Variants in RBBP8NL observed in about 807,000 individuals in gnomAD.
RBBP8NL encodes the protein RBBP8 N-terminal like, also known as RBBP8 N-terminal-like protein.
Under a neutral mutation model 62.2 loss-of-function variants are expected in RBBP8NL, and 59 were observed. The observed-to-expected ratio is 0.95, with a 90% CI of 0.77 to 1.18. The LOEUF is 1.18. RBBP8NL is among the 50% of genes most tolerant of loss of function. The probability of loss-of-function intolerance (pLI) is 0.00; values close to 1 mark genes in which losing one functional copy is unlikely to be tolerated. For synonymous variants in RBBP8NL, 412 were observed against 394.1 expected (o/e 1.05, Z -0.54); for missense variants, 896 against 899.5 (o/e 1.00, Z 0.05).
At chr20:62,417,612 AC>A (rs1271414491) in intron 3 of RBBP8NL, among the ~76,000 whole-genome samples, 813 of 20,526 alleles carry the variant, frequency 0.04, 45 homozygotes, top group African/African-American at 0.15. Context: ...TCCACGCACC[AC>A]CCCCCCCAGT....
intron 1 of RBBP8NL, among the ~76,000 whole-genome samples, chr20:62,426,386 CT>C (rs1232758537): frequency 2.0e-5 from 3 of 152,262 alleles, no homozygotes; most frequent in Non-Finnish European, 4.4e-5. Context: ...TCCCCTGCCC[CT>C]GTCCACCTCC....
chr20:62,413,130 G>A (rs1345516735), intron 11 of RBBP8NL, among the ~76,000 whole-genome samples: 1 of 152,274 alleles, frequency 6.6e-6, no homozygotes, highest in Admixed American at 6.5e-5. Flanking sequence ...GCTGCATGAT[G>A]GGGCACTCAC....
At chr20:62,423,543 C>G (rs1431657007) in intron 1 of RBBP8NL, among the ~76,000 whole-genome samples, 2 of 152,148 alleles carry the variant, frequency 1.3e-5, no homozygotes, top group African/African-American at 4.8e-5. Context: ...TCCCTGGCCC[C>G]CAGCATCTGC....
rs766613428 is a variant in RBBP8NL, at chr20:62,417,989, CT to C, written c.104+433del. On this transcript the variant is annotated intron_variant, in intron 3 of 13. Coordinates refer to ENST00000252998, the MANE Select transcript of RBBP8NL (RefSeq NM_080833.3). ...CTGTCCTGTCCACACACCGCCCCCC[CT>C]GTCATCTGCACGCTCCTCTGTGACG... Among the ~76,000 whole-genome samples, 24 of 144,332 alleles carry C rather than the reference CT, an allele frequency of 1.7e-4. 2 individuals are homozygous for C. Among genetic ancestry groups the C allele is most frequent in the African/African-American group, 5.2e-4 (19 of 36,252 alleles). 94.7% of individuals were successfully genotyped at this position (144,332 alleles called of 152,430 possible).
rs139985669 is a variant in RBBP8NL at position 62,419,602 on chromosome 20, C to T, written c.46G>A (p.Glu16Lys). Residue 16 changes from glutamate to lysine, a missense_variant, in exon 2 of 14, where the codon GAG (glutamate) becomes AAG (lysine). Coordinates refer to ENST00000252998, the MANE Select transcript of RBBP8NL (RefSeq NM_080833.3). ...GGCCCCTCACCCAGGACTTCCTTCT[C>T]GTGGATCTCCTTCAGCCTGTTCAGC... ...ESLNRLKEIH[E>K]KEVLGLQNKL... 25 of 1,613,450 alleles carry T rather than the reference C, an allele frequency of 1.5e-5. No individual in the cohort carries two copies. The highest frequency in any genetic ancestry group is 2.2e-5 in the East Asian group (1 of 44,886).
chr20:62,412,356 C>A (rs965080873), intron 13 of RBBP8NL, among the ~76,000 whole-genome samples: 1 of 152,212 alleles, frequency 6.6e-6, no homozygotes, highest in African/African-American at 2.4e-5. Context: ...CTAATGTCAG[C>A]CCCCTTACAG....
chr20:62,417,736 C>T (rs1223210981), intron 3 of RBBP8NL, among the ~76,000 whole-genome samples: 1 of 102,978 alleles, frequency 9.7e-6, no homozygotes, highest in Non-Finnish European at 1.9e-5. Flanking sequence ...GTCATCTGCA[C>T]GCTCCTCTGT....
intron 4 of RBBP8NL, among the ~76,000 whole-genome samples, 172 bp from the exon 5 acceptor site, chr20:62,417,044 G>C (rs1015178563): frequency 1.4e-4 from 22 of 152,132 alleles, no homozygotes; most frequent in African/African-American, 4.8e-4. Context: ...CACTGAGTTT[G>C]GGGAGAAATC....
intron 5 of RBBP8NL, 89 bp downstream of exon 5, chr20:62,416,671 T>G (rs1988573829): frequency 2.3e-6 from 2 of 868,774 alleles, no homozygotes; most frequent in South Asian, 3.1e-5. Flanking sequence ...TCCTGCCTCC[T>G]TTCCCCATGC....
rs773098744 is a variant in RBBP8NL at position 62,415,622 on chromosome 20, T to C, written c.583A>G (p.Ile195Val). Reference sequence around the variant, plus strand: ...TCAGGCAGGGTGGCCCCTGGGGAGATTTTGGCCACTGGAGATGTCCTGTGC... The same window carrying C: ...TCAGGCAGGGTGGCCCCTGGGGAGACTTTGGCCACTGGAGATGTCCTGTGC... ...AGHRTSPVAK[I>V]SPGATLPESR... is the part of the protein sequence containing the mutation. Residue 195 changes from isoleucine to valine, a missense_variant, in exon 8 of 14, where the codon ATC becomes GTC. Transcript: ENST00000252998. 4.3e-6 allele frequency: 7 copies of C among 1,612,620 alleles called. No homozygotes were observed. In the South Asian group the frequency reaches 5.5e-5, roughly 13 times the overall value.
Position 62,412,977 on chromosome 20 carries a change from T to G in RBBP8NL, c.1676-77A>C, listed in dbSNP as rs1245698670. 3 of 1,507,990 alleles carry G rather than the reference T, an allele frequency of 2.0e-6. No homozygotes were observed. In the Admixed American group the frequency reaches 5.1e-5, roughly 26 times the overall value. 93.4% of individuals were successfully genotyped at this position (1,507,990 alleles called of 1,614,324 possible). On this transcript the variant is annotated intron_variant, in intron 11 of 13. Coordinates refer to ENST00000252998, the MANE Select transcript of RBBP8NL (RefSeq NM_080833.3). ...CCCGAGCCTGCCAGACTAGGATGGG[T>G]GGAGCCAACTCTGCAGATGGGGAAA... is the stretch of plus-strand genomic sequence containing the variant.
chr20:62,415,152 G>C lies in RBBP8NL; in HGVS notation c.763C>G (p.Pro255Ala), dbSNP rs1988532577. Reference sequence around the variant, plus strand: ...AGGGAGAGGCCACGCTCATACGCTGGGCTGGGTGGGCTGCTCCTGGCGGGC... The same window carrying C: ...AGGGAGAGGCCACGCTCATACGCTGCGCTGGGTGGGCTGCTCCTGGCGGGC... ...PLPARSSPPS[P>A]AYERGLSLDS... The change falls in exon 9 of 14, where the codon CCA becomes GCA. Residue 255 changes from proline (P) to alanine (A), a missense_variant. Pro to Ala is a conservative substitution (Grantham distance 27, BLOSUM62 -1). Transcript: ENST00000252998. 1 of 1,508,896 alleles carries C rather than the reference G, an allele frequency of 6.6e-7. No individual in the cohort carries two copies. The highest frequency in any genetic ancestry group is 2.1e-5 in the Admixed American group (1 of 46,960). 93.5% of individuals were successfully genotyped at this position (1,508,896 alleles called of 1,614,324 possible). A position where few individuals can be genotyped will look rare whatever the true frequency, so the allele number is the denominator to read the frequency against.
At position 62,410,647 on chromosome 20, in the gene RBBP8NL, G is replaced by A. The variant is rs1050135002; in HGVS notation, c.*231C>T. On this transcript the variant is annotated 3_prime_UTR_variant, in exon 14 of 14. Transcript: ENST00000252998. Reference sequence around the variant, plus strand: ...TCTTGAAGTGGGCCAGGATGTGCCCGTCACCGGCTCTTCGGGGTTGCCTGC... The same window carrying A: ...TCTTGAAGTGGGCCAGGATGTGCCCATCACCGGCTCTTCGGGGTTGCCTGC... 4.0e-5 allele frequency: 22 copies of A among 553,246 alleles called. No individual in the cohort carries two copies. Among genetic ancestry groups the A allele is most frequent in the African/African-American group, 7.6e-5 (4 of 52,590 alleles). 34.3% of individuals were successfully genotyped at this position (553,246 alleles called of 1,614,324 possible).
chr20:62,424,093 A>G (rs538509926), intron 1 of RBBP8NL, among the ~76,000 whole-genome samples: 10 of 150,696 alleles, frequency 6.6e-5, no homozygotes, highest in African/African-American at 2.5e-4. Flanking sequence ...GCTGAGGCTC[A>G]TGGGGGGCTT....
At chr20:62,415,752 G>A (rs1027320632) in intron 7 of RBBP8NL, 36 bp downstream of exon 7, 25 of 1,609,674 alleles carry the variant, frequency 1.6e-5, no homozygotes, top group Middle Eastern at 1.7e-4. Flanking sequence ...TCCTGCGGGG[G>A]CCCAGCCTCC....
chr20:62,415,508 G>T, intron 8 of RBBP8NL, 70 bp downstream of exon 8: 1 of 1,524,072 alleles, frequency 6.6e-7, no homozygotes, highest in Non-Finnish European at 9.1e-7. Flanking sequence ...TACTGAAAGT[G>T]CAGCTGCCTC....
At position 62,413,852 on chromosome 20, in the gene RBBP8NL, A is replaced by C. The variant is rs950015310; in HGVS notation, c.1499T>G (p.Val500Gly). The change falls in exon 10 of 14, where the codon GTG becomes GGG. Residue 500 changes from valine (V) to glycine (G), a missense_variant. Transcript: ENST00000252998. ...ALSNGTKGTR[V>G]PEQEEASTPM... ...AGTGGAAGCCTCCTCCTGCTCTGGCACTCTGGTCCCCTTGGTGCCATTGCT... is the reference window on the plus strand; with the variant it reads ...AGTGGAAGCCTCCTCCTGCTCTGGCCCTCTGGTCCCCTTGGTGCCATTGCT... The C allele has an allele frequency of 2.5e-6, 4 of 1,596,562 alleles. No homozygotes were observed. Among genetic ancestry groups the C allele is most frequent in the Non-Finnish European group, 3.4e-6 (4 of 1,172,762 alleles).
Position 62,412,749 on chromosome 20 carries a change from C to T in RBBP8NL, c.1751G>A (p.Gly584Asp), listed in dbSNP as rs1988463308. 6.2e-7 allele frequency: 1 copy of T among 1,612,396 alleles called. No homozygotes were observed. Among genetic ancestry groups the T allele is most frequent in the South Asian group, 1.1e-5 (1 of 91,086 alleles). The change falls in exon 13 of 14, where the codon GGC becomes GAC. Residue 584 changes from glycine to aspartate, a missense_variant. Transcript: ENST00000252998. ...AGTGGCCTCCGCCTGGGAGCTCAGGCCCACCTGGGGAGAAGGGGGTGTGGT... is the reference window on the plus strand; with the variant it reads ...AGTGGCCTCCGCCTGGGAGCTCAGGTCCACCTGGGGAGAAGGGGGTGTGGT... ...DETDTPGSEV[G>D]LSSQAEATTS...
Position 62,415,256 on chromosome 20 carries a change from C to A in RBBP8NL, c.659G>T (p.Gly220Val). 1 of 1,568,948 alleles carries A rather than the reference C, an allele frequency of 6.4e-7. No individual in the cohort carries two copies. Among genetic ancestry groups the A allele is most frequent in the East Asian group, 2.3e-5 (1 of 42,716 alleles). ...CCCAGGCCGCACCACGGCAATGGTCCCGTGCAGCTGGTTGGAGATGCGCTG... is the reference window on the plus strand; with the variant it reads ...CCCAGGCCGCACCACGGCAATGGTCACGTGCAGCTGGTTGGAGATGCGCTG... ...SPQRISNQLHGTIAVVRPGSQ... is the reference protein window; with the variant it reads ...SPQRISNQLHVTIAVVRPGSQ... The change falls in exon 9 of 14, where the codon GGG becomes GTG. Residue 220 changes from glycine to valine, a missense_variant. By Grantham distance (109) the Gly-to-Val change is moderately radical. Transcript: ENST00000252998.
Sources: allele counts gnomAD v4.1 joint callset (sites outside exome capture counted in the v4.1 genomes callset), GRCh38; gene constraint gnomAD v4.1.1; transcripts MANE v1.5; gene names NCBI Gene and HGNC (gene_info 2026-07-23, HGNC 2026-07-21).